The following PTPRD variants were observed in gnomAD, a reference collection of about 807,000 sequenced individuals.
The protein encoded by PTPRD is receptor-type tyrosine-protein phosphatase delta.
Under a neutral mutation model 214.5 loss-of-function variants are expected in PTPRD, and 34 were observed. The observed-to-expected ratio is 0.16, with a 90% CI of 0.12 to 0.21. The LOEUF (loss-of-function observed/expected upper bound fraction) is 0.21. PTPRD is among the 10% of genes least tolerant of loss of function. The pLI is 1.00. For missense variants in PTPRD, 2,545 were observed against 2,398.7 expected (o/e 1.06, Z -1.27); for synonymous variants, 1,128 against 845.7 (o/e 1.33, Z -5.79).
chr9:10,179,478 G>A (rs2099269171), intron 3 of PTPRD, among the ~76,000 whole-genome samples: 1 of 151,900 alleles, frequency 6.6e-6, no homozygotes, highest in African/African-American at 2.4e-5. Flanking sequence ...AGTCCTAAAT[G>A]TCCAGAATAA....
chr9:9,689,441 C>A (rs1452649841), intron 7 of PTPRD, among the ~76,000 whole-genome samples: 1 of 151,792 alleles, frequency 6.6e-6, no homozygotes, highest in Non-Finnish European at 1.5e-5. Context: ...ATTTATATAA[C>A]ATGTAATATA....
chr9:10,103,088 G>A (rs1383612013), intron 3 of PTPRD, among the ~76,000 whole-genome samples: 1 of 151,578 alleles, frequency 6.6e-6, no homozygotes, highest in Non-Finnish European at 1.5e-5. Flanking sequence ...ATTACGAAGA[G>A]CTGAGGGAGT....
intron 2 of PTPRD, among the ~76,000 whole-genome samples, chr9:10,594,376 A>T (rs1218836439): frequency 2.0e-5 from 3 of 152,116 alleles, no homozygotes; most frequent in Non-Finnish European, 2.9e-5. Flanking sequence ...ACTAAATTCA[A>T]AAAGATAAAG....
intron 4 of PTPRD, among the ~76,000 whole-genome samples, chr9:10,018,833 G>C (rs977065024): frequency 6.6e-6 from 1 of 152,048 alleles, no homozygotes; most frequent in African/African-American, 2.4e-5. Context: ...ACAGGCGTGA[G>C]CCACCGCGCC....
intron 11 of PTPRD, among the ~76,000 whole-genome samples, chr9:8,743,597 C>T (rs1169948896): frequency 6.6e-6 from 1 of 152,052 alleles, no homozygotes; most frequent in African/African-American, 2.4e-5. Flanking sequence ...ATACACAAAT[C>T]GACTGAAGAT....
At chr9:8,734,191 C>G (rs1434331243) in intron 11 of PTPRD, among the ~76,000 whole-genome samples, 5 of 152,182 alleles carry the variant, frequency 3.3e-5, no homozygotes, top group Admixed American at 1.3e-4. Flanking sequence ...CAATTTTAGG[C>G]TCTCCTAAAG....
chr9:9,515,618 G>C (rs1272916340), intron 8 of PTPRD, among the ~76,000 whole-genome samples: 4 of 151,668 alleles, frequency 2.6e-5, no homozygotes, highest in Non-Finnish European at 5.9e-5. Flanking sequence ...ATGATTACAA[G>C]ATATGGAAAA....
At chr9:10,591,952 A>G (rs544040727) in intron 2 of PTPRD, among the ~76,000 whole-genome samples, 1 of 152,220 alleles carries the variant, frequency 6.6e-6, no homozygotes, top group Admixed American at 6.5e-5. Flanking sequence ...ATTTGATTGC[A>G]GCCTTGTAAG....
At chr9:8,375,832 T>C in intron 39 of PTPRD, 104 bp downstream of exon 39, 3 of 1,343,916 alleles carry the variant, frequency 2.2e-6, no homozygotes, top group Non-Finnish European at 3.0e-6. Context: ...GTATTATTTA[T>C]GAAGACATTT....
At chr9:10,274,433 TC>T (rs1461415795) in intron 3 of PTPRD, among the ~76,000 whole-genome samples, 2 of 152,150 alleles carry the variant, frequency 1.3e-5, no homozygotes, top group African/African-American at 4.8e-5. Context: ...CCAAATAGTT[TC>T]CTGCAACCAT....
At chr9:10,285,544 A>G (rs1044074541) in intron 3 of PTPRD, among the ~76,000 whole-genome samples, 1 of 151,546 alleles carries the variant, frequency 6.6e-6, no homozygotes, top group African/African-American at 2.4e-5. Context: ...GTTGAACCCC[A>G]GTGCCATCAC....
chr9:8,957,807 G>A (rs1216183169), intron 11 of PTPRD, among the ~76,000 whole-genome samples: 1 of 151,738 alleles, frequency 6.6e-6, no homozygotes, highest in Non-Finnish European at 1.5e-5. Flanking sequence ...GTATGCAAGT[G>A]CTGGGAAGTG....
intron 5 of PTPRD, among the ~76,000 whole-genome samples, chr9:9,852,935 A>T (rs893698548): frequency 6.6e-6 from 1 of 152,156 alleles, no homozygotes; most frequent in Non-Finnish European, 1.5e-5. Context: ...AATCAGCTGG[A>T]TATCTAATGG....
chr9:9,369,365 A>G (rs2058794405), intron 9 of PTPRD, among the ~76,000 whole-genome samples: 1 of 152,030 alleles, frequency 6.6e-6, no homozygotes, highest in Non-Finnish European at 1.5e-5. Context: ...GCCAGAGATG[A>G]TGAGCATTTT....
rs13293925 is a variant in PTPRD at position 8,949,180 on chromosome 9, T to C, written c.-104+69517A>G. 2.0e-3 allele frequency among the ~76,000 whole-genome samples: 287 copies of C among 145,628 alleles called. 1 individual carries two copies. Among genetic ancestry groups the C allele is most frequent in the African/African-American group, 6.3e-3 (248 of 39,068 alleles). On this transcript the variant is annotated intron_variant, in intron 11 of 45. Transcript: ENST00000381196. Reference sequence around the variant, plus strand: ...TGGAGGGTGCAGTGAGCCAAGATCATGCCATTGCACTCCAGCCTGGGCAAC... The same window carrying C: ...TGGAGGGTGCAGTGAGCCAAGATCACGCCATTGCACTCCAGCCTGGGCAAC...
chr9:8,732,220 A>G (rs2098667289), intron 12 of PTPRD, among the ~76,000 whole-genome samples: 1 of 152,224 alleles, frequency 6.6e-6, no homozygotes, highest in African/African-American at 2.4e-5. Context: ...CAGAGAATTA[A>G]GCAAAGGCAT....
chr9:8,665,487 G>A (rs1191782070), intron 12 of PTPRD, among the ~76,000 whole-genome samples: 3 of 152,166 alleles, frequency 2.0e-5, no homozygotes, highest in Non-Finnish European at 2.9e-5. Context: ...CTACTGAGAG[G>A]AGGACAGCTT....
chr9:9,519,481 A>C (rs1590527626), intron 8 of PTPRD, among the ~76,000 whole-genome samples: 1 of 152,002 alleles, frequency 6.6e-6, no homozygotes, highest in South Asian at 2.1e-4. Context: ...ATAAAGGCAT[A>C]TATAATTGAT....
At chr9:9,157,336 C>G (rs1367824820) in intron 10 of PTPRD, among the ~76,000 whole-genome samples, 8 of 151,834 alleles carry the variant, frequency 5.3e-5, no homozygotes, top group Non-Finnish European at 1.0e-4. Context: ...ATTAACAAAA[C>G]TAAGAGATAG....
Sources: gnomAD v4.1 joint callset for allele counts (sites outside exome capture counted in the v4.1 genomes callset) on GRCh38, gnomAD v4.1.1 for gene constraint, MANE v1.5 for transcripts, NCBI Gene and HGNC (gene_info 2026-07-23, HGNC 2026-07-21) for gene names.